TRPM8: variants seen among roughly 807,000 people sequenced by gnomAD.
TRPM8 encodes the protein transient receptor potential cation channel subfamily M member 8, also known as TRPM8 cationic channel.
TRPM8 carries 110 observed loss-of-function variants against 133.7 expected under a neutral mutation model. The observed-to-expected ratio is 0.82, with a 90% CI of 0.70 to 0.96. The LOEUF (loss-of-function observed/expected upper bound fraction) is 0.96, where lower values mean the gene tolerates loss of function less well. Among genes scored for constraint, TRPM8 ranks in the 40% least tolerant of loss-of-function variants. The pLI is 0.00. For synonymous variants in TRPM8, 535 were observed against 532.3 expected (o/e 1.01, Z -0.07); for missense variants, 1,291 against 1,379.5 (o/e 0.94, Z 1.02).
intron 21 of TRPM8, among the ~76,000 whole-genome samples, chr2:233,995,014 A>G (rs1397459535): frequency 6.6e-6 from 1 of 152,162 alleles, no homozygotes; most frequent in Non-Finnish European, 1.5e-5. Context: ...CATATCTCAA[A>G]CCCATTTTTT....
At chr2:233,973,018 C>A (rs190989362) in intron 17 of TRPM8, among the ~76,000 whole-genome samples, 1 of 152,246 alleles carries the variant, frequency 6.6e-6, no homozygotes, top group African/African-American at 2.4e-5. Flanking sequence ...ACTGCCAGCA[C>A]GCTGTCACCT....
intron 17 of TRPM8, among the ~76,000 whole-genome samples, chr2:233,978,144 G>A (rs1691915892): frequency 1.4e-5 from 2 of 146,422 alleles, no homozygotes; most frequent in Non-Finnish European, 3.0e-5. Flanking sequence ...CATAGATCTT[G>A]TTTTCAGCCT....
Position 233,960,969 on chromosome 2 carries a change from C to G in TRPM8, c.1556C>G (p.Ala519Gly), listed in dbSNP as rs1474622348. The G allele has an allele frequency of 4.3e-6, 7 of 1,614,002 alleles. No homozygotes were observed. The East Asian group carries it at 8.9e-5, about 21-fold the overall frequency. ...ATCGCCAAGAATTCCTATAATGATG[C>G]CCTCCTCACGTTTGTCTGGAAACTG... ...LQIAKNSYNDALLTFVWKLVA... is the reference protein window; with the variant it reads ...LQIAKNSYNDGLLTFVWKLVA... Residue 519 changes from alanine to glycine, a missense_variant, in exon 12 of 26, where the codon GCC becomes GGC. By Grantham distance (60) the Ala-to-Gly change is moderately conservative (BLOSUM62 0). This residue lies in a region of TRPM8 where 963 missense variants were observed against 968.9 expected (regional missense o/e 0.99). Transcript: ENST00000324695.
At chr2:233,983,263 A>AAC (rs751943872) in intron 20 of TRPM8, 39 bp downstream of exon 20, 1 of 1,613,006 alleles carries the variant, frequency 6.2e-7, no homozygotes, top group Non-Finnish European at 8.5e-7. Context: ...AGCTTGGAGG[A>AAC]GGCATTTGCT....
chr2:233,922,955 G>T (rs1691438385), intron 1 of TRPM8, among the ~76,000 whole-genome samples: 1 of 151,990 alleles, frequency 6.6e-6, no homozygotes, highest in South Asian at 2.1e-4. Context: ...TTCAAGCTCC[G>T]CCTCCCAGGT....
At chr2:233,990,186 A>G (rs1367573262) in intron 21 of TRPM8, among the ~76,000 whole-genome samples, 2 of 152,266 alleles carry the variant, frequency 1.3e-5, no homozygotes, top group African/African-American at 4.8e-5. Flanking sequence ...TGCTGGGCAC[A>G]GGTTCAAGTG....
chr2:233,931,143 C>T (rs1691672003), intron 3 of TRPM8, among the ~76,000 whole-genome samples: 1 of 152,112 alleles, frequency 6.6e-6, no homozygotes, highest in Non-Finnish European at 1.5e-5. Context: ...GACTTTAGGT[C>T]TTTCCTTCTA....
Position 233,963,391 on chromosome 2 carries a change from C to G in TRPM8, c.1749+14C>G. ...ATTTGGGAGCAGGTAAGTGCCCAAG[C>G]CCACATCAGATTTACACCAAATATA... is the stretch of plus-strand genomic sequence containing the variant. On this transcript the variant is annotated intron_variant, in intron 13 of 25. Coordinates refer to ENST00000324695, the MANE Select transcript of TRPM8 (RefSeq NM_024080.5). 2 of 1,534,040 alleles carry G rather than the reference C, an allele frequency of 1.3e-6. No homozygotes were observed. Among genetic ancestry groups the G allele is most frequent in the Non-Finnish European group, 1.8e-6 (2 of 1,110,330 alleles).
chr2:233,922,354 G>A (rs1230648202), intron 1 of TRPM8, among the ~76,000 whole-genome samples: 1 of 152,040 alleles, frequency 6.6e-6, no homozygotes, highest in African/African-American at 2.4e-5. Context: ...ATGATTTCTA[G>A]TGCCCCCTGA....
At chr2:233,963,228 G>A in intron 12 of TRPM8, 54 bp from the exon 13 acceptor site, 1 of 1,282,624 alleles carries the variant, frequency 7.8e-7, no homozygotes, top group Non-Finnish European at 1.1e-6. Flanking sequence ...AGGGCTTCCT[G>A]ATCCCAGAAC....
At chr2:233,926,726 C>A in intron 2 of TRPM8, 72 bp downstream of exon 2, 1 of 1,163,048 alleles carries the variant, frequency 8.6e-7, no homozygotes, top group Non-Finnish European at 1.3e-6. Context: ...CCTGCATTTG[C>A]ACATTGACTT....
At chr2:233,983,307 C>G (rs555581057) in intron 20 of TRPM8, 83 bp downstream of exon 20, 7 of 1,530,082 alleles carry the variant, frequency 4.6e-6, no homozygotes, top group Non-Finnish European at 5.4e-6. Flanking sequence ...CCCCGGAGAC[C>G]GCACTTCAGA....
intron 3 of TRPM8, among the ~76,000 whole-genome samples, chr2:233,934,449 T>G (rs937729073): frequency 6.6e-6 from 1 of 152,214 alleles, no homozygotes; most frequent in African/African-American, 2.4e-5. Flanking sequence ...ATTATGAACA[T>G]TTCCACAATT....
At chr2:233,948,621 G>A (rs1269861099) in intron 8 of TRPM8, among the ~76,000 whole-genome samples, 1 of 152,230 alleles carries the variant, frequency 6.6e-6, no homozygotes, top group African/African-American at 2.4e-5. Context: ...GGGGGAGACT[G>A]GAGAGCTGCT....
intron 1 of TRPM8, among the ~76,000 whole-genome samples, chr2:233,923,531 C>T (rs1002038465): frequency 7.2e-5 from 11 of 152,118 alleles, no homozygotes; most frequent in South Asian, 2.1e-4. Context: ...CCAATGCTGC[C>T]GGCACCAGGT....
rs1396365736 is a variant in TRPM8 at position 233,927,831 on chromosome 2, C to T, written c.117+1177C>T. ...TCCTTCCTTCCTTCCTTCCTTCCTT[C>T]CTTCCTTCCTTCCTTCCTTCCTTTC... On this transcript the variant is annotated intron_variant, in intron 2 of 25. Transcript: ENST00000324695. Among the ~76,000 whole-genome samples, 67 of 78,988 alleles carry T rather than the reference C, an allele frequency of 8.5e-4. 2 individuals carry two copies. The highest frequency in any genetic ancestry group is 0.01 in the Middle Eastern group (2 of 194). The allele number at this position is 78,988 out of a possible 152,430, so 51.8% of individuals were successfully genotyped here. A position where few individuals can be genotyped will look rare whatever the true frequency, so the allele number is the denominator to read the frequency against.
At chr2:233,933,336 TTTTAA>T (rs1370224925) in intron 3 of TRPM8, among the ~76,000 whole-genome samples, 2 of 152,180 alleles carry the variant, frequency 1.3e-5, no homozygotes, top group East Asian at 3.8e-4. Context: ...GAAGGAATGT[TTTTAA>T]TTTATTTAAT....
intron 3 of TRPM8, among the ~76,000 whole-genome samples, chr2:233,936,855 G>A (rs927712083): frequency 6.6e-6 from 1 of 151,714 alleles, no homozygotes; most frequent in Non-Finnish European, 1.5e-5. Context: ...ATAAACACCA[G>A]GGATAAAACA....
intron 18 of TRPM8, 76 bp downstream of exon 18, chr2:233,980,355 A>G (rs1056329212): frequency 2.1e-6 from 2 of 970,266 alleles, no homozygotes; most frequent in African/African-American, 3.3e-5. Flanking sequence ...CAGACATTTC[A>G]AACCCAAGGG....
Sources: allele counts gnomAD v4.1 joint callset (sites outside exome capture counted in the v4.1 genomes callset), GRCh38; gene constraint gnomAD v4.1.1; regional missense constraint gnomAD v4.1.1; transcripts MANE v1.5; gene names NCBI Gene and HGNC (gene_info 2026-07-23, HGNC 2026-07-21).